The following DLGAP1 variants were observed in gnomAD, a reference collection of about 807,000 sequenced individuals.
DLGAP1 encodes the protein disks large-associated protein 1.
In DLGAP1, 11 loss-of-function variants were observed where a neutral mutation model predicts 90.8. That is an observed-to-expected ratio of 0.12 (90% CI 0.08 to 0.20). The LOEUF (loss-of-function observed/expected upper bound fraction) is 0.20, where lower values mean the gene tolerates loss of function less well. Among genes scored for constraint, DLGAP1 ranks in the 10% least tolerant of loss-of-function variants. The probability of loss-of-function intolerance (pLI) is 1.00; values close to 1 mark genes in which losing one functional copy is unlikely to be tolerated. For missense variants in DLGAP1, 1,050 were observed against 1,333.8 expected (o/e 0.79, Z 3.31); for synonymous variants, 558 against 540.7 (o/e 1.03, Z -0.44).
At chr18:3,832,345 T>C (rs1825719702) in intron 4 of DLGAP1, among the ~76,000 whole-genome samples, 2 of 152,226 alleles carry the variant, frequency 1.3e-5, no homozygotes, top group Non-Finnish European at 1.5e-5. Flanking sequence ...GTCATTTTCT[T>C]TCTTTACCTT....
At chr18:3,740,220 C>T (rs1358054615) in intron 6 of DLGAP1, among the ~76,000 whole-genome samples, 4 of 152,036 alleles carry the variant, frequency 2.6e-5, no homozygotes, top group Non-Finnish European at 5.9e-5. Flanking sequence ...ACTGTGTGAC[C>T]TTTAGGCCAT....
At chr18:4,146,295 T>A (rs892700364) in intron 2 of DLGAP1, among the ~76,000 whole-genome samples, 4 of 152,276 alleles carry the variant, frequency 2.6e-5, no homozygotes, top group Admixed American at 2.6e-4. Context: ...CTAAAGTACA[T>A]AGAGTGGTTC....
intron 1 of DLGAP1, among the ~76,000 whole-genome samples, chr18:4,324,241 T>C (rs2080764586): frequency 1.3e-5 from 2 of 151,176 alleles, no homozygotes; most frequent in Non-Finnish European, 2.9e-5. Context: ...TAAACAGCTT[T>C]ATGCACAGCA....
At chr18:4,008,272 G>A (rs1221573249) in intron 2 of DLGAP1, among the ~76,000 whole-genome samples, 1 of 150,766 alleles carries the variant, frequency 6.6e-6, no homozygotes, top group East Asian at 1.9e-4. Context: ...TATACACCAA[G>A]TAACAACAAC....
chr18:4,115,953 T>C (rs551501119), intron 2 of DLGAP1, among the ~76,000 whole-genome samples: 2 of 152,362 alleles, frequency 1.3e-5, no homozygotes, highest in African/African-American at 4.8e-5. Context: ...TTACACTGTC[T>C]TTCTTACTGA....
At chr18:4,211,504 G>C (rs1374980545) in intron 1 of DLGAP1, among the ~76,000 whole-genome samples, 2 of 152,174 alleles carry the variant, frequency 1.3e-5, no homozygotes, top group Admixed American at 6.5e-5. Context: ...AAATGACAGA[G>C]AGTGATACCA....
chr18:3,948,882 G>A (rs1319030770), intron 3 of DLGAP1, among the ~76,000 whole-genome samples: 2 of 152,000 alleles, frequency 1.3e-5, no homozygotes, highest in Non-Finnish European at 1.5e-5. Context: ...ACTTACTCAT[G>A]TAACCAAATA....
At chr18:3,566,042 C>G (rs754952904) in intron 9 of DLGAP1, among the ~76,000 whole-genome samples, 1 of 152,070 alleles carries the variant, frequency 6.6e-6, no homozygotes, top group Non-Finnish European at 1.5e-5. Flanking sequence ...TGTTTCTCCA[C>G]CTTTTTAAAT....
chr18:4,109,611 T>G (rs1045946138), intron 2 of DLGAP1, among the ~76,000 whole-genome samples: 3 of 152,066 alleles, frequency 2.0e-5, no homozygotes, highest in African/African-American at 4.8e-5. Flanking sequence ...TCACCAAATA[T>G]ACACCAGTGG....
chr18:4,074,675 C>T (rs4798162), intron 2 of DLGAP1, among the ~76,000 whole-genome samples: 123,294 of 152,030 alleles, frequency 0.81, 50,269 homozygotes, highest in East Asian at 0.94. Flanking sequence ...TTTATGGTGT[C>T]AAATCATAGC....
chr18:4,187,466 G>C (rs2077317793), intron 1 of DLGAP1, among the ~76,000 whole-genome samples: 1 of 152,110 alleles, frequency 6.6e-6, no homozygotes. Flanking sequence ...TAGATTTTAA[G>C]TACTGAAATA....
chr18:3,499,407 G>A lies in DLGAP1; in HGVS notation c.2725-13C>T, dbSNP rs1598940688. The A allele has an allele frequency of 6.5e-7, 1 of 1,548,808 alleles. No homozygotes were observed. The stretch of plus-strand genomic sequence containing the variant: ...GGGCCCTTCTCTCCTGATCAAAGCA[G>A]AAGGTTCAGGACATTACACAGCTTC... On this transcript the variant is annotated splice_polypyrimidine_tract_variant and intron_variant, in intron 12 of 12. Coordinates refer to ENST00000315677, the MANE Select transcript of DLGAP1 (RefSeq NM_004746.4). This position sits in a 1 kb window ranked among gnomAD's most constrained non-coding sequence, Gnocchi z 6.4.
intron 4 of DLGAP1, among the ~76,000 whole-genome samples, chr18:3,815,196 G>A (rs957962680): frequency 6.6e-6 from 1 of 152,126 alleles, no homozygotes; most frequent in African/African-American, 2.4e-5. Flanking sequence ...TGAACCTTTC[G>A]ACTTTACCAT....
At chr18:3,753,179 C>T (rs774578086) in intron 5 of DLGAP1, among the ~76,000 whole-genome samples, 14 of 152,162 alleles carry the variant, frequency 9.2e-5, no homozygotes, top group Non-Finnish European at 1.6e-4. Flanking sequence ...AACGAACAAA[C>T]TCATTTATCC....
intron 3 of DLGAP1, among the ~76,000 whole-genome samples, chr18:3,929,053 C>T (rs548118668): frequency 1.3e-5 from 2 of 152,160 alleles, no homozygotes; most frequent in East Asian, 1.9e-4. Context: ...GCTTCCCCTC[C>T]GCCTTCTACT....
intron 1 of DLGAP1, among the ~76,000 whole-genome samples, chr18:4,192,080 C>T (rs1330434283): frequency 6.6e-6 from 1 of 152,088 alleles, no homozygotes; most frequent in Non-Finnish European, 1.5e-5. Flanking sequence ...GAAGAAATGA[C>T]TTCATCAATA....
chr18:4,271,296 C>T (rs916017586), intron 1 of DLGAP1, among the ~76,000 whole-genome samples: 3 of 152,154 alleles, frequency 2.0e-5, no homozygotes, highest in African/African-American at 7.2e-5. Context: ...AATCATTAAC[C>T]TCCAACCTCT....
chr18:4,179,146 A>T (rs1243864436), intron 1 of DLGAP1, among the ~76,000 whole-genome samples: 1 of 152,196 alleles, frequency 6.6e-6, no homozygotes, highest in African/African-American at 2.4e-5. Flanking sequence ...CTTAAGACAA[A>T]GAAATACGGT....
intron 5 of DLGAP1, among the ~76,000 whole-genome samples, chr18:3,813,787 TTTTAAATCCAGAATGGCTTCTG>T (rs2066956883): frequency 6.6e-6 from 1 of 152,112 alleles, no homozygotes; most frequent in Non-Finnish European, 1.5e-5. Flanking sequence ...TTCTGGATTC[TTTTAAATCCAGAATGGCTTCTG>T]AAAAGATGGG....
Sources: allele counts gnomAD v4.1 joint callset (sites outside exome capture counted in the v4.1 genomes callset), GRCh38; gene constraint gnomAD v4.1.1; non-coding constraint Gnocchi (gnomAD v3.1); transcripts MANE v1.5; gene names NCBI Gene and HGNC (gene_info 2026-07-23, HGNC 2026-07-21).